Variants in GFOD1 observed in about 807,000 individuals in gnomAD.
The protein encoded by GFOD1 is glucose-fructose oxidoreductase domain-containing protein 1.
A neutral mutation model predicts 25.4 loss-of-function variants in GFOD1; 9 were observed. The observed-to-expected ratio is 0.35, with a 90% CI of 0.21 to 0.62. The LOEUF (loss-of-function observed/expected upper bound fraction) is 0.62. GFOD1 is among the 20% of genes least tolerant of loss of function. GFOD1 has a pLI of 0.72. For synonymous variants in GFOD1, 253 were observed against 245.6 expected, an observed-to-expected ratio of 1.03 and a Z score of -0.28; for missense variants, 403 against 556.9, an observed-to-expected ratio of 0.72 and a Z score of 2.78.
intron 1 of GFOD1, among the ~76,000 whole-genome samples, chr6:13,472,616 G>A (rs768216983): frequency 4.6e-5 from 7 of 152,086 alleles, no homozygotes; most frequent in East Asian, 3.9e-4. Flanking sequence ...ATTCAACCCC[G>A]GGCAGTGCCC....
At chr6:13,470,442 C>T (rs1033679057) in intron 1 of GFOD1, 12 of 1,550,104 alleles carry the variant, frequency 7.7e-6, no homozygotes, top group Non-Finnish European at 3.5e-6. Flanking sequence ...TTAAGTTAGA[C>T]AGGCTGCATC....
At chr6:13,473,905 T>A (rs1758561095) in intron 1 of GFOD1, among the ~76,000 whole-genome samples, 1 of 151,838 alleles carries the variant, frequency 6.6e-6, no homozygotes, top group Admixed American at 6.6e-5. Flanking sequence ...CCGGGACGAG[T>A]GGGGCCCCAC....
At chr6:13,483,447 T>C (rs1333327723) in intron 1 of GFOD1, among the ~76,000 whole-genome samples, 1 of 152,154 alleles carries the variant, frequency 6.6e-6, no homozygotes, top group Non-Finnish European at 1.5e-5. Context: ...AGGCTGGGCA[T>C]GTCACGCCAA....
intron 1 of GFOD1, among the ~76,000 whole-genome samples, chr6:13,440,950 A>T (rs1462798147): frequency 9.2e-5 from 14 of 152,214 alleles, no homozygotes; most frequent in Admixed American, 9.2e-4. Flanking sequence ...TCAGCTGTGT[A>T]TTCAGATGGA....
At chr6:13,406,147 A>G (rs977671272) in intron 1 of GFOD1, among the ~76,000 whole-genome samples, 3 of 152,166 alleles carry the variant, frequency 2.0e-5, no homozygotes, top group Non-Finnish European at 4.4e-5. Context: ...AGAACCCACA[A>G]ATGTTCTCGG....
intron 1 of GFOD1, among the ~76,000 whole-genome samples, chr6:13,395,793 C>G (rs777954741): frequency 6.6e-6 from 1 of 152,186 alleles, no homozygotes; most frequent in African/African-American, 2.4e-5. Context: ...GCCACTCCAC[C>G]GTGCACCAGT....
intron 1 of GFOD1, among the ~76,000 whole-genome samples, chr6:13,383,956 T>G (rs536729696): frequency 5.9e-5 from 9 of 152,352 alleles, no homozygotes; most frequent in Non-Finnish European, 1.3e-4. Context: ...TACTGCGCAG[T>G]GGCTCACGTC....
At chr6:13,446,517 G>A (rs986217790) in intron 1 of GFOD1, among the ~76,000 whole-genome samples, 4 of 152,180 alleles carry the variant, frequency 2.6e-5, no homozygotes, top group African/African-American at 9.7e-5. Flanking sequence ...ACAGGACATG[G>A]TGAAGCCGGG....
At chr6:13,395,154 A>C (rs1231908896) in intron 1 of GFOD1, among the ~76,000 whole-genome samples, 10 of 152,222 alleles carry the variant, frequency 6.6e-5, no homozygotes, top group Non-Finnish European at 1.5e-4. Context: ...ATTTTGAACA[A>C]GGTGACTACA....
At chr6:13,383,886 G>A (rs1336794363) in intron 1 of GFOD1, among the ~76,000 whole-genome samples, 4 of 152,152 alleles carry the variant, frequency 2.6e-5, no homozygotes, top group African/African-American at 4.8e-5. Context: ...ATGTTAATGG[G>A]CCTACATTTA....
At chr6:13,374,728 CTTTTTTTTT>C (rs147560408) in intron 1 of GFOD1, among the ~76,000 whole-genome samples, 2 of 66,780 alleles carry the variant, frequency 3.0e-5, no homozygotes, top group Non-Finnish European at 6.0e-5. Context: ...CATCTCAAAT[CTTTTTTTTT>C]TTTTTTTTTT....
chr6:13,486,216 C>T, intron 1 of GFOD1: 9 of 951,694 alleles, frequency 9.5e-6, no homozygotes, highest in Non-Finnish European at 1.1e-5. Flanking sequence ...CTCCCAGGCG[C>T]GCGCGCGCAC....
chr6:13,485,119 G>A (rs753656372), intron 1 of GFOD1, among the ~76,000 whole-genome samples: 1 of 152,180 alleles, frequency 6.6e-6, no homozygotes, highest in Non-Finnish European at 1.5e-5. Flanking sequence ...AGGCCACAAA[G>A]GGCAGACACT....
intron 1 of GFOD1, among the ~76,000 whole-genome samples, chr6:13,404,975 A>G (rs1281932376): frequency 6.6e-6 from 1 of 152,202 alleles, no homozygotes; most frequent in East Asian, 1.9e-4. Context: ...CCAGTGCACC[A>G]CAAGCCCCAC....
chr6:13,386,152 C>G (rs1191435534), intron 1 of GFOD1, among the ~76,000 whole-genome samples: 1 of 151,288 alleles, frequency 6.6e-6, no homozygotes, highest in African/African-American at 2.4e-5. Context: ...AACTCTACCT[C>G]CCAGGTTCAA....
chr6:13,368,024 A>G (rs79612961), intron 1 of GFOD1, among the ~76,000 whole-genome samples: 4,977 of 152,222 alleles, frequency 0.033, 246 homozygotes, highest in African/African-American at 0.11. Flanking sequence ...ATCCACGAAC[A>G]CTTACAACGT....
At chr6:13,415,420 C>T (rs1786147691) in intron 1 of GFOD1, among the ~76,000 whole-genome samples, 1 of 152,172 alleles carries the variant, frequency 6.6e-6, no homozygotes, top group African/African-American at 2.4e-5. Context: ...CGTTGAGTCA[C>T]CCCCACCTCC....
Position 13,365,900 on chromosome 6 carries a change from A to AATC in GFOD1, c.254-239_254-238insGAT. ...TCTCAATAATAATAATAATAATAATAATAATAATAATAATAATAATAATGA... is the reference window on the plus strand; with the variant it reads ...TCTCAATAATAATAATAATAATAATAATCATAATAATAATAATAATAATAATGA... On this transcript the variant is annotated intron_variant, in intron 1 of 1. Transcript: ENST00000379287. The surrounding 1 kb of genome is among the most constrained non-coding windows in gnomAD (Gnocchi z 9.2). 6.8e-6 allele frequency among the ~76,000 whole-genome samples: 1 copy of AATC among 146,528 alleles called. No homozygotes were observed. The highest frequency in any genetic ancestry group is 3.6e-3 in the Middle Eastern group (1 of 276).
intron 1 of GFOD1, chr6:13,469,973 C>A (rs1051406878): frequency 1.5e-6 from 2 of 1,309,112 alleles, no homozygotes; most frequent in Non-Finnish European, 2.0e-6. Flanking sequence ...ATGATGAGTT[C>A]TCTCAGAGCA....
Sources: allele counts gnomAD v4.1 joint callset (sites outside exome capture counted in the v4.1 genomes callset), GRCh38; gene constraint gnomAD v4.1.1; non-coding constraint Gnocchi (gnomAD v3.1); transcripts MANE v1.5; gene names NCBI Gene and HGNC (gene_info 2026-07-23, HGNC 2026-07-21).